The following GYS2 variants were observed in gnomAD, a reference collection of about 807,000 sequenced individuals.
GYS2 encodes glycogen [starch] synthase, liver.
Under a neutral mutation model 85.6 loss-of-function variants are expected in GYS2, and 80 were observed. The observed-to-expected ratio is 0.93, with a 90% CI of 0.78 to 1.13. GYS2 has a LOEUF of 1.13. Ranked by LOEUF, GYS2 falls within the 50% of genes most tolerant of loss-of-function variation. The pLI is 0.00. For synonymous variants in GYS2, 328 were observed against 300.7 expected, an observed-to-expected ratio of 1.09 and a Z score of -0.94; for missense variants, 881 against 854.9, an observed-to-expected ratio of 1.03 and a Z score of -0.38.
chr12:21,536,037 C>T (rs1015489317), downstream of GYS2, among the ~76,000 whole-genome samples: 2 of 152,058 alleles, frequency 1.3e-5, no homozygotes, highest in African/African-American at 4.8e-5. Flanking sequence ...AGGAATTATT[C>T]ATAACAGCTG....
intron 1 of GYS2, among the ~76,000 whole-genome samples, chr12:21,591,508 C>T (rs147044439): frequency 1.3e-5 from 2 of 151,838 alleles, no homozygotes; most frequent in African/African-American, 2.4e-5. Context: ...ATAAAGTGAA[C>T]AAATATTCAA....
Position 21,577,590 on chromosome 12 carries a change from T to C in GYS2, c.304-1533A>G, listed in dbSNP as rs529881083. ...AATAGGCATTGTTCTATCACATTTC[T>C]AACATTCTCTATGCTGCCTTCACTA... On this transcript the variant is annotated intron_variant, in intron 2 of 15. Coordinates refer to ENST00000261195, the MANE Select transcript of GYS2 (RefSeq NM_021957.4). Among the ~76,000 whole-genome samples the C allele has an allele frequency of 2.9e-4, 44 of 152,332 alleles. 1 individual carries two copies. The highest frequency in any genetic ancestry group is 7.8e-4 in the Admixed American group (12 of 15,306).
At chr12:21,573,585 T>C (rs7974959) in intron 4 of GYS2, among the ~76,000 whole-genome samples, 23,255 of 152,178 alleles carry the variant, frequency 0.15, 1,885 homozygotes, top group Middle Eastern at 0.19. Flanking sequence ...CAAGGACCCA[T>C]ATCCCTGTTT....
In GYS2 at chr12:21,540,561, A is replaced by G; in HGVS notation, c.1658T>C (p.Val553Ala). ...ADPTAYGIYI[V>A]DRRFRSPDDS... Reference sequence around the variant, plus strand: ...ATCTGGAGAACGGAACCGCCTGTCAACGATGTAAATACCTGAAGAACACAA... The same window carrying G: ...ATCTGGAGAACGGAACCGCCTGTCAGCGATGTAAATACCTGAAGAACACAA... Residue 553 changes from valine to alanine, a missense_variant, in exon 14 of 16, where the codon GTT becomes GCT. Physicochemically the swap from Val to Ala is moderately conservative, Grantham distance 64. Transcript: ENST00000261195. 1 of 1,613,958 alleles carries G rather than the reference A, an allele frequency of 6.2e-7. No individual in the cohort carries two copies. The highest frequency in any genetic ancestry group is 8.5e-7 in the Non-Finnish European group (1 of 1,179,838).
intron 1 of GYS2, among the ~76,000 whole-genome samples, chr12:21,596,932 C>G (rs1030339725): frequency 3.3e-5 from 5 of 152,106 alleles, no homozygotes; most frequent in African/African-American, 1.2e-4. Context: ...GCACACAAAT[C>G]AGTAACTCTT....
At chr12:21,534,629 GAGAA>G (rs760134524), downstream of GYS2, among the ~76,000 whole-genome samples, 44 of 152,030 alleles carry the variant, frequency 2.9e-4, no homozygotes, top group African/African-American at 7.2e-4. Context: ...GAAAAAAAGA[GAGAA>G]AGAAAGAAAA....
chr12:21,572,233 C>A (rs1425396808), intron 4 of GYS2, among the ~76,000 whole-genome samples: 1 of 152,098 alleles, frequency 6.6e-6, no homozygotes, highest in Non-Finnish European at 1.5e-5. Flanking sequence ...TAATTGGCTA[C>A]TAACAAAAAT....
chr12:21,595,115 T>A (rs1435945892), intron 1 of GYS2, among the ~76,000 whole-genome samples: 1 of 152,202 alleles, frequency 6.6e-6, no homozygotes, highest in East Asian at 1.9e-4. Flanking sequence ...CCAAATCTCA[T>A]GTTGAAATAT....
At position 21,542,491 on chromosome 12, in the gene GYS2, C is replaced by T. The variant is rs1308867419; in HGVS notation, c.1645+5G>A. 2.5e-6 allele frequency: 4 copies of T among 1,595,498 alleles called. No individual in the cohort carries two copies. The highest frequency in any genetic ancestry group is 2.7e-5 in the African/African-American group (2 of 74,488). On this transcript the variant is annotated splice_donor_5th_base_variant and intron_variant, in intron 13 of 15. Transcript: ENST00000261195. ...CCAGCATGGGTTAATGATGAAAACC[C>T]TCACCGTAAGCAGTAGGATCAGCCA...
intron 11 of GYS2, among the ~76,000 whole-genome samples, chr12:21,550,353 C>CA (rs1555154859): frequency 6.7e-4 from 80 of 120,146 alleles, no homozygotes; most frequent in Admixed American, 1.8e-3. Context: ...ACACACACAC[C>CA]CCTGGTTTTT....
At chr12:21,544,391 A>C (rs1402738032) in intron 12 of GYS2, among the ~76,000 whole-genome samples, 2 of 152,136 alleles carry the variant, frequency 1.3e-5, no homozygotes, top group African/African-American at 4.8e-5. Flanking sequence ...TTGGGTTGTT[A>C]AGTTTAACTT....
intron 5 of GYS2, among the ~76,000 whole-genome samples, chr12:21,563,601 C>T (rs1944282215): frequency 6.6e-6 from 1 of 152,066 alleles, no homozygotes; most frequent in African/African-American, 2.4e-5. Context: ...TACAATGAAA[C>T]AAGTTAATCA....
chr12:21,590,577 C>G (rs1286290868), intron 1 of GYS2, among the ~76,000 whole-genome samples: 1 of 152,152 alleles, frequency 6.6e-6, no homozygotes, highest in African/African-American at 2.4e-5. Flanking sequence ...AGCCATCACC[C>G]ACACCACACC....
chr12:21,578,042 G>T (rs948165857), intron 2 of GYS2, among the ~76,000 whole-genome samples: 10 of 152,208 alleles, frequency 6.6e-5, no homozygotes, highest in South Asian at 4.1e-4. Flanking sequence ...TCAGGATCAT[G>T]ACTGCATTCT....
Position 21,546,465 on chromosome 12 carries a change from A to G in GYS2, c.1428T>C (p.Ile476=). 1 of 1,595,044 alleles carries G rather than the reference A, an allele frequency of 6.3e-7. No individual in the cohort carries two copies. The highest frequency in any genetic ancestry group is 8.6e-7 in the Non-Finnish European group (1 of 1,166,078). ...TGGAGGATAGAAACTCTGGGTGCAA[A>G]ATCACCTAAAAAAGGAAAATTCTAA... is the stretch of plus-strand genomic sequence containing the variant. ...FNNRTDRVKV[I]LHPEFLSSTS... The change falls in exon 12 of 16, where the codon ATT becomes ATC. Residue 476 remains isoleucine (I), a synonymous_variant. Transcript: ENST00000261195.
intron 3 of GYS2, among the ~76,000 whole-genome samples, chr12:21,575,159 T>C (rs750014117): frequency 6.6e-6 from 1 of 152,204 alleles, no homozygotes; most frequent in Non-Finnish European, 1.5e-5. Context: ...ATTTAACTGA[T>C]ATATTATTAA....
rs75199210 is a variant in GYS2, at chr12:21,564,175, T to C, written c.824-830A>G. On this transcript the variant is annotated intron_variant, in intron 5 of 15. Coordinates refer to ENST00000261195, the MANE Select transcript of GYS2 (RefSeq NM_021957.4). ...AGCAAAAACAAGAAAAAAGAAGCTA[T>C]GTTAAAAAAAAATGTGGCATAGGGC... is the stretch of plus-strand genomic sequence containing the variant. Among the ~76,000 whole-genome samples the C allele has an allele frequency of 5.7e-3, 864 of 152,222 alleles. 3 individuals are homozygous for C. Among genetic ancestry groups the C allele is most frequent in the Non-Finnish European group, 0.011 (734 of 68,000 alleles).
chr12:21,550,687 TC>T (rs1299422412), intron 11 of GYS2, among the ~76,000 whole-genome samples: 11 of 152,160 alleles, frequency 7.2e-5, no homozygotes, highest in Non-Finnish European at 1.6e-4. Flanking sequence ...ACTGCTGTAA[TC>T]CCAGCACTTT....
intron 15 of GYS2, among the ~76,000 whole-genome samples, 174 bp downstream of exon 15, chr12:21,539,084 T>C (rs1943942626): frequency 6.6e-6 from 1 of 152,222 alleles, no homozygotes; most frequent in Non-Finnish European, 1.5e-5. Flanking sequence ...ATTAACTGTC[T>C]TGAGAGCTTT....
Sources: gnomAD v4.1 joint callset for allele counts (sites outside exome capture counted in the v4.1 genomes callset) on GRCh38, gnomAD v4.1.1 for gene constraint, MANE v1.5 for transcripts, NCBI Gene and HGNC (gene_info 2026-07-23, HGNC 2026-07-21) for gene names.